LYPLAL1: variants seen among roughly 807,000 people sequenced by gnomAD.
LYPLAL1 encodes lysophospholipase-like protein 1.
A neutral mutation model predicts 19.7 loss-of-function variants in LYPLAL1; 23 were observed. The observed-to-expected ratio is 1.17, with a 90% CI of 0.84 to 1.65. The LOEUF is 1.65. Ranked by LOEUF, LYPLAL1 falls within the 40% of genes most tolerant of loss-of-function variation. The pLI, the probability that LYPLAL1 is intolerant of heterozygous loss-of-function variation, is 0.00. For missense variants in LYPLAL1, 355 were observed against 279.4 expected, an observed-to-expected ratio of 1.27 and a Z score of -1.93; for synonymous variants, 119 against 96.3, an observed-to-expected ratio of 1.24 and a Z score of -1.38.
the LYPLAL1 span, among the ~76,000 whole-genome samples, chr1:219,404,260 A>G: frequency 1.4e-3 from 213 of 152,296 alleles, no homozygotes; most frequent in Middle Eastern, 0.02. Flanking sequence ...GTTGGGTTTC[A>G]ACATATGGAT....
At chr1:219,226,055 T>C in the LYPLAL1 span, among the ~76,000 whole-genome samples, 2 of 152,236 alleles carry the variant, frequency 1.3e-5, no homozygotes, top group African/African-American at 4.8e-5. Flanking sequence ...TGGTAGAAGT[T>C]GTCACTCATG....
At chr1:219,349,024 T>G in the LYPLAL1 span, among the ~76,000 whole-genome samples, 4 of 152,206 alleles carry the variant, frequency 2.6e-5, no homozygotes, top group Non-Finnish European at 5.9e-5. Context: ...CAACAATTCA[T>G]GCAGTAGGGA....
the LYPLAL1 span, among the ~76,000 whole-genome samples, chr1:219,296,619 C>T: frequency 6.6e-6 from 1 of 152,038 alleles, no homozygotes. Flanking sequence ...AACAAAACAC[C>T]CTTCTTTTAT....
chr1:219,320,886 T>C, the LYPLAL1 span, among the ~76,000 whole-genome samples: 1 of 152,240 alleles, frequency 6.6e-6, no homozygotes, highest in African/African-American at 2.4e-5. Flanking sequence ...TTGTGAATAG[T>C]GCCGCAATAA....
the LYPLAL1 span, among the ~76,000 whole-genome samples, chr1:219,264,907 T>G: frequency 6.6e-6 from 1 of 152,206 alleles, no homozygotes; most frequent in Non-Finnish European, 1.5e-5. Context: ...CCAATTATGA[T>G]TTCAGTGCCT....
the LYPLAL1 span, among the ~76,000 whole-genome samples, chr1:219,336,657 T>C: frequency 6.6e-6 from 1 of 152,012 alleles, no homozygotes; most frequent in African/African-American, 2.4e-5. Context: ...TTATTATTCC[T>C]ACAACTAGTA....
chr1:219,337,099 C>A, the LYPLAL1 span, among the ~76,000 whole-genome samples: 1 of 151,930 alleles, frequency 6.6e-6, no homozygotes, highest in Non-Finnish European at 1.5e-5. Flanking sequence ...TCTTCTCCTC[C>A]TTAACTTCTG....
At chr1:219,375,490 TAAAAAAA>T in the LYPLAL1 span, among the ~76,000 whole-genome samples, 3 of 37,488 alleles carry the variant, frequency 8.0e-5, no homozygotes, top group South Asian at 2.2e-3. Context: ...AAACTCCTTC[TAAAAAAA>T]AAAAAAAAAA....
intron 3 of LYPLAL1, among the ~76,000 whole-genome samples, chr1:219,199,220 G>A (rs532031740): frequency 6.6e-5 from 10 of 152,224 alleles, no homozygotes; most frequent in East Asian, 1.9e-4. Flanking sequence ...TAGAATATCC[G>A]AAGATAAGTT....
chr1:219,354,080 AAG>A, the LYPLAL1 span, among the ~76,000 whole-genome samples: 1 of 152,232 alleles, frequency 6.6e-6, no homozygotes, highest in African/African-American at 2.4e-5. Flanking sequence ...ACAGAGAAGA[AAG>A]AGAGAAGAGA....
the LYPLAL1 span, among the ~76,000 whole-genome samples, chr1:219,244,042 C>T: frequency 3.3e-5 from 5 of 151,728 alleles, no homozygotes; most frequent in Admixed American, 2.0e-4. Flanking sequence ...GGCAAGATCT[C>T]GGAGAGAAGC....
At chr1:219,308,257 G>T in the LYPLAL1 span, among the ~76,000 whole-genome samples, 1 of 152,104 alleles carries the variant, frequency 6.6e-6, no homozygotes, top group Non-Finnish European at 1.5e-5. Flanking sequence ...GAGGTGACTT[G>T]GGTGCTGTTA....
chr1:219,257,843 C>T, the LYPLAL1 span, among the ~76,000 whole-genome samples: 146,752 of 152,022 alleles, frequency 0.97, 71,068 homozygotes, highest in East Asian at 1. Flanking sequence ...CTCACCCTAG[C>T]GAATCTGAGG....
At chr1:219,435,985 T>G in the LYPLAL1 span, among the ~76,000 whole-genome samples, 1 of 152,166 alleles carries the variant, frequency 6.6e-6, no homozygotes, top group Non-Finnish European at 1.5e-5. Flanking sequence ...CTAGCCCCAA[T>G]CCTTGTCTAT....
At chr1:219,297,347 T>C in the LYPLAL1 span, among the ~76,000 whole-genome samples, 2,950 of 152,320 alleles carry the variant, frequency 0.019, 117 homozygotes, top group African/African-American at 0.066. Context: ...TCTTAGTAAA[T>C]AGAATACTTC....
chr1:219,342,186 A>G, the LYPLAL1 span, among the ~76,000 whole-genome samples: 3 of 152,054 alleles, frequency 2.0e-5, no homozygotes, highest in Non-Finnish European at 4.4e-5. Context: ...GCTGAGAAAC[A>G]ATTCTCCATG....
At chr1:219,306,054 A>G in the LYPLAL1 span, among the ~76,000 whole-genome samples, 1 of 152,214 alleles carries the variant, frequency 6.6e-6, no homozygotes, top group African/African-American at 2.4e-5. Context: ...AGCGTTTTCT[A>G]ACAGACAATG....
the LYPLAL1 span, among the ~76,000 whole-genome samples, chr1:219,220,119 C>T: frequency 2.0e-5 from 3 of 152,018 alleles, no homozygotes; most frequent in South Asian, 2.1e-4. Flanking sequence ...TTCCAATCAG[C>T]CCTAATCCAG....
the LYPLAL1 span, among the ~76,000 whole-genome samples, chr1:219,354,505 A>G: frequency 0.02 from 3,012 of 152,338 alleles, 82 homozygotes; most frequent in African/African-American, 0.067. Context: ...CAAAAATTCA[A>G]ATTTGATTAA....
Sources: gnomAD v4.1 joint callset for allele counts (sites outside exome capture counted in the v4.1 genomes callset) on GRCh38, gnomAD v4.1.1 for gene constraint, MANE v1.5 for transcripts, NCBI Gene and HGNC (gene_info 2026-07-23, HGNC 2026-07-21) for gene names.